The following GOLM2 variants were observed in gnomAD, a reference collection of about 807,000 sequenced individuals.
GOLM2 encodes golgi membrane protein 2.
A neutral mutation model predicts 55.9 loss-of-function variants in GOLM2; 26 were observed. That is an observed-to-expected ratio of 0.47 (90% confidence interval 0.34 to 0.65). The LOEUF is 0.65. GOLM2 is among the 30% of genes least tolerant of loss of function. GOLM2 has a pLI of 0.01. For missense variants in GOLM2, 486 were observed against 531.8 expected (o/e 0.91, Z 0.85); for synonymous variants, 165 against 194.6 (o/e 0.85, Z 1.27).
Position 44,305,949 on chromosome 15 carries a change from C to G in GOLM2, c.327+16593C>G, listed in dbSNP as rs370278508. On this transcript the variant is annotated intron_variant, in intron 1 of 9. Transcript: ENST00000299957. ...TGCTGTAAACAGATGTGCTATCATA[C>G]AGGCTTTGTTGTTCCATTTATAGAG... Among the ~76,000 whole-genome samples, 4 of 152,244 alleles carry G rather than the reference C, an allele frequency of 2.6e-5. No homozygotes were observed. The South Asian group carries it at 6.2e-4, about 24-fold the overall frequency.
intron 1 of GOLM2, among the ~76,000 whole-genome samples, chr15:44,290,556 G>C (rs1400124154): frequency 6.6e-6 from 1 of 152,078 alleles, no homozygotes; most frequent in East Asian, 1.9e-4. Flanking sequence ...GCTATGATAG[G>C]GTCAAGGAAT....
At chr15:44,337,292 A>G (rs1231876504) in intron 4 of GOLM2, among the ~76,000 whole-genome samples, 2 of 152,070 alleles carry the variant, frequency 1.3e-5, no homozygotes, top group Non-Finnish European at 2.9e-5. Flanking sequence ...GGTGGCCAGC[A>G]CACTTAGGAA....
intron 9 of GOLM2, among the ~76,000 whole-genome samples, chr15:44,408,172 T>C (rs1239444133): frequency 2.0e-5 from 3 of 152,238 alleles, no homozygotes; most frequent in African/African-American, 7.2e-5. Flanking sequence ...TGATGAACTA[T>C]TTAAAATTTT....
intron 9 of GOLM2, among the ~76,000 whole-genome samples, chr15:44,404,577 T>C (rs2079585708): frequency 6.6e-6 from 1 of 152,188 alleles, no homozygotes; most frequent in Admixed American, 6.5e-5. Context: ...TTTTTCTCAT[T>C]GCTTTTGTGA....
intron 1 of GOLM2, among the ~76,000 whole-genome samples, chr15:44,318,123 G>A (rs755054870): frequency 5.9e-5 from 9 of 152,252 alleles, no homozygotes; most frequent in Admixed American, 5.2e-4. Flanking sequence ...ACAAATTAGT[G>A]TGGCTATTTT....
intron 8 of GOLM2, among the ~76,000 whole-genome samples, chr15:44,396,868 C>G (rs2079530062): frequency 6.6e-6 from 1 of 152,174 alleles, no homozygotes; most frequent in Non-Finnish European, 1.5e-5. Flanking sequence ...AAACTTGATA[C>G]AACTCAAAGA....
In GOLM2 at chr15:44,380,917, C is replaced by T; in HGVS notation, c.1013C>T (p.Thr338Ile). Residue 338 changes from threonine (T) to isoleucine (I), a missense_variant, in exon 8 of 10, where the codon ACA becomes ATA. Thr to Ile is a moderately conservative substitution (Grantham distance 89). Coordinates refer to ENST00000299957, the MANE Select transcript of GOLM2 (RefSeq NM_138423.4). ...TTGGACAGTGAACCCAGAATTCAAA[C>T]AGATATACTAAAGCAGGCTACCAAG... ...SNLDSEPRIQ[T>I]DILKQATKDR... 1 of 1,602,006 alleles carries T rather than the reference C, an allele frequency of 6.2e-7. No homozygotes were observed. Among genetic ancestry groups the T allele is most frequent in the Non-Finnish European group, 8.5e-7 (1 of 1,173,744 alleles).
At chr15:44,380,736 T>C in intron 7 of GOLM2, 70 bp from the exon 8 acceptor site, 1 of 1,125,674 alleles carries the variant, frequency 8.9e-7, no homozygotes, top group African/African-American at 1.6e-5. Context: ...CTAAAGCAGA[T>C]CTTGTGAAAT....
intron 6 of GOLM2, among the ~76,000 whole-genome samples, chr15:44,345,460 G>C (rs1037749300): frequency 8.6e-5 from 13 of 151,750 alleles, no homozygotes; most frequent in African/African-American, 3.1e-4. Context: ...GGTTTCAACT[G>C]TATTGCCCAG....
At chr15:44,364,281 T>C (rs1405164452) in intron 6 of GOLM2, among the ~76,000 whole-genome samples, 1 of 152,118 alleles carries the variant, frequency 6.6e-6, no homozygotes, top group Non-Finnish European at 1.5e-5. Context: ...CTCAGCACTT[T>C]GGGAGGCTGA....
chr15:44,367,209 C>CA (rs2079291619), intron 6 of GOLM2, among the ~76,000 whole-genome samples: 1 of 148,028 alleles, frequency 6.8e-6, no homozygotes, highest in Non-Finnish European at 1.5e-5. Flanking sequence ...TACTGTCTGG[C>CA]CCTTTTTTTT....
In GOLM2 at chr15:44,288,721, C is replaced by G; in HGVS notation, c.-309C>G. On this transcript the variant is annotated 5_prime_UTR_variant, in exon 1 of 10. Transcript: ENST00000299957. ...TCCGCCCCTTTCCGGTTTTTTTCCC[C>G]GCCTCCCAACCGTGAGGTGTTGGGT... 2.6e-6 allele frequency: 1 copy of G among 388,674 alleles called. No homozygotes were observed. The highest frequency in any genetic ancestry group is 2.1e-5 in the African/African-American group (1 of 47,068). The allele number at this position is 388,674 out of a possible 1,614,324, so 24.1% of individuals were successfully genotyped here.
At chr15:44,398,521 A>G (rs1027720300) in intron 8 of GOLM2, among the ~76,000 whole-genome samples, 1 of 152,170 alleles carries the variant, frequency 6.6e-6, no homozygotes, top group Non-Finnish European at 1.5e-5. Context: ...TCAGTGAACC[A>G]TGGATGGATG....
intron 9 of GOLM2, among the ~76,000 whole-genome samples, chr15:44,412,621 A>T (rs1319104295): frequency 6.6e-6 from 1 of 152,138 alleles, no homozygotes; most frequent in African/African-American, 2.4e-5. Flanking sequence ...TTTAGAAAAA[A>T]AAATTGATGT....
chr15:44,413,187 C>G lies in GOLM2; in HGVS notation c.1241-149C>G, dbSNP rs538892234. Reference sequence around the variant, plus strand: ...TTCCACATACTTTTCACTCTTTAGCCAAGCAACTAAGAAATAGAACACTAT... The same window carrying G: ...TTCCACATACTTTTCACTCTTTAGCGAAGCAACTAAGAAATAGAACACTAT... On this transcript the variant is annotated intron_variant, in intron 9 of 9. Transcript: ENST00000299957. The G allele has an allele frequency of 9.3e-6, 5 of 539,236 alleles. No homozygotes were observed. In the South Asian group the frequency reaches 1.2e-4, roughly 13 times the overall value. 33.4% of individuals were successfully genotyped at this position (539,236 alleles called of 1,614,324 possible).
At chr15:44,369,081 AT>A (rs2079308606) in intron 6 of GOLM2, among the ~76,000 whole-genome samples, 1 of 69,208 alleles carries the variant, frequency 1.4e-5, no homozygotes, top group Non-Finnish European at 3.0e-5. Flanking sequence ...ATATATATAT[AT>A]ATATATATAT....
chr15:44,332,343 G>T (rs1227635394), intron 4 of GOLM2, among the ~76,000 whole-genome samples: 2 of 152,094 alleles, frequency 1.3e-5, no homozygotes, highest in Non-Finnish European at 2.9e-5. Flanking sequence ...GCTCACTCGA[G>T]GTCAGGAGTT....
At chr15:44,369,372 C>CT (rs2079313955) in intron 6 of GOLM2, among the ~76,000 whole-genome samples, 1 of 151,190 alleles carries the variant, frequency 6.6e-6, no homozygotes, top group African/African-American at 2.4e-5. Context: ...CCACCACTCT[C>CT]TATCACATCT....
chr15:44,401,803 A>T (rs980346064), intron 8 of GOLM2, among the ~76,000 whole-genome samples: 1 of 147,406 alleles, frequency 6.8e-6, no homozygotes, highest in African/African-American at 2.5e-5. Context: ...TACAGTAGGT[A>T]TTATGTCTAT....
Sources: gnomAD v4.1 joint callset for allele counts (sites outside exome capture counted in the v4.1 genomes callset) on GRCh38, gnomAD v4.1.1 for gene constraint, MANE v1.5 for transcripts, NCBI Gene and HGNC (gene_info 2026-07-23, HGNC 2026-07-21) for gene names.